SAA1: variants seen among roughly 807,000 people sequenced by gnomAD.
SAA1 encodes serum amyloid A-1 protein.
A neutral mutation model predicts 9.8 loss-of-function variants in SAA1; 4 were observed. The ratio of observed to expected loss-of-function variants is 0.41; its 90% CI spans 0.20 to 0.93. The LOEUF is 0.93. SAA1 is among the 40% of genes least tolerant of loss of function. The probability of loss-of-function intolerance (pLI) is 0.33; values close to 1 mark genes in which losing one functional copy is unlikely to be tolerated. For missense variants in SAA1, 114 were observed against 155.5 expected (o/e 0.73, Z 1.42); for synonymous variants, 47 against 57.7 (o/e 0.82, Z 0.84).
chr11:18,269,965 G>T lies in SAA1; in HGVS notation c.*110G>T, dbSNP rs1044026039. The T allele has an allele frequency of 3.9e-6, 6 of 1,519,886 alleles. No individual in the cohort carries two copies. The highest frequency in any genetic ancestry group is 2.8e-5 in the African/African-American group (2 of 72,430). The allele number at this position is 1,519,886 out of a possible 1,614,324, so 94.1% of individuals were successfully genotyped here. ...GTATCTAATAAATACTTAAGAGGTG[G>T]AATTTGTGGAAACTGGGTGTTATAC... On this transcript the variant is annotated 3_prime_UTR_variant, in exon 4 of 4. Transcript: ENST00000356524.
chr11:18,269,668 TG>T (rs1858160037), intron 3 of SAA1, 48 bp from the exon 4 acceptor site: 3 of 1,607,228 alleles, frequency 1.9e-6, no homozygotes, highest in African/African-American at 1.3e-5. Flanking sequence ...GGTGGGCTAT[TG>T]CTCACTGGCC....
intron 3 of SAA1, 59 bp from the exon 4 acceptor site, chr11:18,269,658 G>A: frequency 2.5e-6 from 4 of 1,594,948 alleles, no homozygotes; most frequent in Non-Finnish European, 3.4e-6. Context: ...AGAATGGGAG[G>A]GTGGGCTATT....
Position 18,269,807 on chromosome 11 carries a change from CAA to C in SAA1, c.323_324del (p.Lys108ArgfsTer12), listed in dbSNP as rs148453200. 2,788 of 1,614,156 alleles carry C rather than the reference CAA, an allele frequency of 1.7e-3. 30 individuals carry two copies. The African/African-American group carries it at 0.032, about 18-fold the overall frequency. On this transcript the variant is annotated frameshift_variant, in exon 4 of 4. Transcript: ENST00000356524. LOFTEE classifies it high-confidence loss of function. ...CTGCCAATGAATGGGGCAGGAGTGG[CAA>C]AGACCCCAATCACTTCCGACCTGCT... is the stretch of plus-strand genomic sequence containing the variant. ...QAANEWGRSG[K>X]DPNHFRPAGL...
chr11:18,268,676 T>C (rs953451542), intron 2 of SAA1, among the ~76,000 whole-genome samples: 10 of 151,570 alleles, frequency 6.6e-5, no homozygotes, highest in African/African-American at 2.4e-4. Flanking sequence ...CTACTAAAAA[T>C]ACAAAAATTA....
chr11:18,268,723 C>T (rs1365209950), intron 2 of SAA1, among the ~76,000 whole-genome samples: 1 of 151,432 alleles, frequency 6.6e-6, no homozygotes, highest in South Asian at 2.1e-4. Context: ...ATCTCAGCTA[C>T]TCAGGAGGCT....
In SAA1 at chr11:18,268,831, T is replaced by TAAAAAAAA. The variant is rs371021832; in HGVS notation, c.92-339_92-332dup. Among the ~76,000 whole-genome samples, 143 of 110,460 alleles carry TAAAAAAAA rather than the reference T, an allele frequency of 1.3e-3. 2 individuals carry two copies. Among genetic ancestry groups the TAAAAAAAA allele is most frequent in the South Asian group, 2.8e-3 (9 of 3,222 alleles). The allele number at this position is 110,460 out of a possible 152,430, so 72.5% of individuals were successfully genotyped here. A position where few individuals can be genotyped will look rare whatever the true frequency, so the allele number is the denominator to read the frequency against. Reference sequence around the variant, plus strand: ...CTGGGCGACAGAGCAAGACTCTGTCTAAAAAAAAAAAAAAAAAAAAAAAAA... The same window carrying TAAAAAAAA: ...CTGGGCGACAGAGCAAGACTCTGTCTAAAAAAAAAAAAAAAAAAAAAAAAAAAAAAAAA... On this transcript the variant is annotated intron_variant, in intron 2 of 3. Coordinates refer to ENST00000356524, the MANE Select transcript of SAA1 (RefSeq NM_199161.5).
In SAA1 at chr11:18,269,951, ATACT is replaced by A. The variant is rs1381662801; in HGVS notation, c.*99_*102del. 6.4e-7 allele frequency: 1 copy of A among 1,557,192 alleles called. No homozygotes were observed. Among genetic ancestry groups the A allele is most frequent in the East Asian group, 2.3e-5 (1 of 44,416 alleles). On this transcript the variant is annotated 3_prime_UTR_variant, in exon 4 of 4. Coordinates refer to ENST00000356524, the MANE Select transcript of SAA1 (RefSeq NM_199161.5). ...AGGGTACACAATGGGTATCTAATAA[ATACT>A]TAAGAGGTGGAATTTGTGGAAACTG...
chr11:18,268,858 AAAAAAG>A (rs1858119429), intron 2 of SAA1, among the ~76,000 whole-genome samples: 1 of 91,460 alleles, frequency 1.1e-5, no homozygotes, highest in African/African-American at 4.2e-5. Context: ...AAAAAAAAAA[AAAAAAG>A]AATATAAACT....
In SAA1 at chr11:18,269,931, A is replaced by G. The variant is rs1053318357; in HGVS notation, c.*76A>G. 2 of 1,588,954 alleles carry G rather than the reference A, an allele frequency of 1.3e-6. No homozygotes were observed. The highest frequency in any genetic ancestry group is 2.7e-5 in the African/African-American group (2 of 74,270). The stretch of plus-strand genomic sequence containing the variant: ...CAGGGATACAAAGCGGGGAGAGGGT[A>G]CACAATGGGTATCTAATAAATACTT... On this transcript the variant is annotated 3_prime_UTR_variant, in exon 4 of 4. Transcript: ENST00000356524.
At chr11:18,266,424 A>T (rs543278029) in intron 1 of SAA1, 128 bp downstream of exon 1, 4 of 154,676 alleles carry the variant, frequency 2.6e-5, no homozygotes, top group Admixed American at 2.5e-4. Flanking sequence ...AAGGTGTCTT[A>T]TCTCCTCTGA....
rs1858134373 is a variant in SAA1, at chr11:18,269,182, C to T, written c.92-13C>T. ...TCTCCTGATGTCCCTTCTGCCTTTC[C>T]TTTCCTTTCCAGGGGCTCGGGACAT... On this transcript the variant is annotated splice_polypyrimidine_tract_variant and intron_variant, in intron 2 of 3. Transcript: ENST00000356524. The T allele has an allele frequency of 6.3e-7, 1 of 1,580,526 alleles. No homozygotes were observed. The highest frequency in any genetic ancestry group is 2.2e-5 in the East Asian group (1 of 44,820).
intron 3 of SAA1, 85 bp downstream of exon 3, chr11:18,269,418 G>A: frequency 1.3e-6 from 2 of 1,536,586 alleles, no homozygotes; most frequent in Non-Finnish European, 8.8e-7. Context: ...GCTCCTTGTG[G>A]AGAAGTTAGA....
chr11:18,269,200 C>A lies in SAA1; in HGVS notation c.97C>A (p.Arg33=). ...GCCTTTCCTTTCCTTTCCAGGGGCTCGGGACATGTGGAGAGCCTACTCTGA... is the reference window on the plus strand; with the variant it reads ...GCCTTTCCTTTCCTTTCCAGGGGCTAGGGACATGTGGAGAGCCTACTCTGA... The part of the protein sequence containing the change: ...SFLGEAFDGA[R]DMWRAYSDMR... The change falls in exon 3 of 4, where the codon CGG becomes AGG. Residue 33 remains arginine (R), a synonymous_variant. Coordinates refer to ENST00000356524, the MANE Select transcript of SAA1 (RefSeq NM_199161.5). 1 of 1,582,696 alleles carries A rather than the reference C, an allele frequency of 6.3e-7. No individual in the cohort carries two copies. Among genetic ancestry groups the A allele is most frequent in the East Asian group, 2.2e-5 (1 of 44,794 alleles).
intron 2 of SAA1, among the ~76,000 whole-genome samples, chr11:18,268,194 A>G (rs1858091294): frequency 6.6e-6 from 1 of 151,854 alleles, no homozygotes; most frequent in Non-Finnish European, 1.5e-5. Flanking sequence ...AACATGGTGA[A>G]ACCCCGTCTC....
At chr11:18,269,131 C>T (rs1214432660) in intron 2 of SAA1, 64 bp from the exon 3 acceptor site, 4 of 1,608,398 alleles carry the variant, frequency 2.5e-6, no homozygotes, top group East Asian at 2.2e-5. Context: ...TCATTCCCCT[C>T]TAAGGTGTTG....
At chr11:18,268,502 A>T (rs1041650054) in intron 2 of SAA1, among the ~76,000 whole-genome samples, 23 of 152,320 alleles carry the variant, frequency 1.5e-4, no homozygotes, top group African/African-American at 5.3e-4. Flanking sequence ...CAGTCACTGG[A>T]ACTCACGTCA....
chr11:18,268,169 C>A (rs1343458876), intron 2 of SAA1, among the ~76,000 whole-genome samples: 7 of 151,376 alleles, frequency 4.6e-5, no homozygotes, highest in Non-Finnish European at 1.5e-5. Context: ...TCATGAGTTC[C>A]GGAGCAGCCT....
chr11:18,266,946 G>A lies in SAA1; in HGVS notation c.59G>A (p.Ser20Asn), dbSNP rs1858051055. 1 of 1,611,376 alleles carries A rather than the reference G, an allele frequency of 6.2e-7. No homozygotes were observed. The highest frequency in any genetic ancestry group is 1.4e-5 in the African/African-American group (1 of 73,896). The part of the protein sequence containing the change: ...CSLVLGVSSR[S>N]FFSFLGEAFD... ...TTGGTCCTGGGTGTCAGCAGCCGAA[G>A]CTTCTTTTCGTTCCTTGGCGAGGCT... Residue 20 changes from serine (S) to asparagine (N), a missense_variant, in exon 2 of 4, where the codon AGC (serine) becomes AAC (asparagine). By Grantham distance (46) the Ser-to-Asn change is conservative. Transcript: ENST00000356524.
intron 1 of SAA1, chr11:18,266,518 T>TA (rs1407606843): frequency 4.6e-5 from 8 of 172,446 alleles, no homozygotes; most frequent in Non-Finnish European, 7.5e-5. Flanking sequence ...GCTTTAAGAA[T>TA]AAAAAATAAT....
Sources: allele counts gnomAD v4.1 joint callset (sites outside exome capture counted in the v4.1 genomes callset), GRCh38; gene constraint gnomAD v4.1.1; transcripts MANE v1.5; gene names NCBI Gene and HGNC (gene_info 2026-07-23, HGNC 2026-07-21).